The following TSEN15 variants were observed in gnomAD, a reference collection of about 807,000 sequenced individuals.
TSEN15 encodes tRNA splicing endonuclease subunit 15, also known as tRNA-splicing endonuclease subunit Sen15.
Under a neutral mutation model 20.5 loss-of-function variants are expected in TSEN15, and 10 were observed. The ratio of observed to expected loss-of-function variants is 0.49; its 90% CI spans 0.30 to 0.83. The LOEUF (loss-of-function observed/expected upper bound fraction) is 0.83. TSEN15 is among the 40% of genes least tolerant of loss of function. TSEN15 has a pLI of 0.06. For synonymous variants in TSEN15, 72 were observed against 80.1 expected (o/e 0.90, Z 0.54); for missense variants, 180 against 218.6 (o/e 0.82, Z 1.11).
intron 3 of TSEN15, among the ~76,000 whole-genome samples, chr1:184,092,665 G>A (rs1045198481): frequency 2.0e-5 from 3 of 152,204 alleles, no homozygotes; most frequent in Admixed American, 6.5e-5. Flanking sequence ...GGTCTCTGGG[G>A]TAGTAGCTGA....
chr1:184,072,783 T>C lies in TSEN15; in HGVS notation c.496-44T>C, dbSNP rs1422698773. The C allele has an allele frequency of 6.4e-6, 10 of 1,564,506 alleles. No individual in the cohort carries two copies. In the South Asian group the frequency reaches 8.2e-5, roughly 13 times the overall value. ...TTTCTAATTTTGCTTTTGGATTACA[T>C]TGTTTATCGGAGAAAAGTCCATCCT... On this transcript the variant is annotated intron_variant, in intron 4 of 4. Transcript: ENST00000645668.
At chr1:184,063,004 C>A (rs1650521363) in intron 3 of TSEN15, among the ~76,000 whole-genome samples, 1 of 152,028 alleles carries the variant, frequency 6.6e-6, no homozygotes, top group South Asian at 2.1e-4. Flanking sequence ...TAGTTCCTTC[C>A]TTAGTAATAC....
downstream of TSEN15, among the ~76,000 whole-genome samples, chr1:184,075,910 A>ATATATATATATATATATATATTTTTT (rs760409158): frequency 5.7e-5 from 7 of 123,752 alleles, no homozygotes; most frequent in South Asian, 8.3e-4. Context: ...ATATATATAT[A>ATATATATATATATATATATATTTTTT]TTTTTTTTTT....
At chr1:184,058,727 A>G (rs2102881394) in intron 3 of TSEN15, among the ~76,000 whole-genome samples, 1 of 152,250 alleles carries the variant, frequency 6.6e-6, no homozygotes, top group South Asian at 2.1e-4. Flanking sequence ...TCCTAAAAGT[A>G]TTTGGTGGGA....
intron 3 of TSEN15, among the ~76,000 whole-genome samples, chr1:184,068,621 A>AT (rs906159724): frequency 6.6e-6 from 1 of 151,942 alleles, no homozygotes; most frequent in African/African-American, 2.4e-5. Flanking sequence ...AGCTGCCTTG[A>AT]TTTTTTACTA....
intron 3 of TSEN15, among the ~76,000 whole-genome samples, chr1:184,063,384 T>TC (rs1650535557): frequency 1.3e-5 from 2 of 152,186 alleles, no homozygotes; most frequent in Non-Finnish European, 2.9e-5. Flanking sequence ...ATAAAATTAT[T>TC]TTGGCAAGAG....
chr1:184,090,597 C>T (rs536435448), intron 3 of TSEN15, among the ~76,000 whole-genome samples: 1 of 152,318 alleles, frequency 6.6e-6, no homozygotes, highest in African/African-American at 2.4e-5. Context: ...TCCTTTCTTC[C>T]TCCATGTGGC....
chr1:184,055,067 C>A, intron 3 of TSEN15: 1 of 390,758 alleles, frequency 2.6e-6, no homozygotes, highest in Non-Finnish European at 3.9e-6. Flanking sequence ...TGAGTAATTT[C>A]TTAAAAAAAA....
downstream of TSEN15, among the ~76,000 whole-genome samples, chr1:184,078,635 C>T (rs1375502418): frequency 6.6e-6 from 1 of 152,026 alleles, no homozygotes; most frequent in Non-Finnish European, 1.5e-5. Flanking sequence ...ATTTGCTTCT[C>T]CTGGCTGAGA....
intron 3 of TSEN15, among the ~76,000 whole-genome samples, chr1:184,086,619 C>G (rs528059882): frequency 6.6e-6 from 1 of 152,116 alleles, no homozygotes; most frequent in Non-Finnish European, 1.5e-5. Context: ...ACTCACATGG[C>G]TGTTGGCAGG....
At chr1:184,054,704 G>A in intron 2 of TSEN15, 24 bp from the exon 3 acceptor site, 1 of 1,606,896 alleles carries the variant, frequency 6.2e-7, no homozygotes. Context: ...AAACATTATT[G>A]TCCATTCAAT....
At chr1:184,052,968 C>T (rs969207455) in intron 1 of TSEN15, among the ~76,000 whole-genome samples, 5 of 151,968 alleles carry the variant, frequency 3.3e-5, no homozygotes, top group Non-Finnish European at 7.4e-5. Context: ...ATAGTCCATA[C>T]TTACTTATAC....
At chr1:184,094,746 A>G in intron 3 of TSEN15, 1 of 334,072 alleles carries the variant, frequency 3.0e-6, no homozygotes, top group Non-Finnish European at 5.4e-6. Context: ...AATGATTCCC[A>G]CCACACTGCC....
downstream of TSEN15, among the ~76,000 whole-genome samples, chr1:184,074,460 A>G (rs1347748009): frequency 1.3e-5 from 2 of 152,134 alleles, no homozygotes; most frequent in African/African-American, 4.8e-5. Flanking sequence ...CAATTTCTTG[A>G]GAGTGCTCAA....
chr1:184,086,673 C>A (rs1651267371), intron 3 of TSEN15, among the ~76,000 whole-genome samples: 1 of 152,098 alleles, frequency 6.6e-6, no homozygotes, highest in Non-Finnish European at 1.5e-5. Context: ...CTACAGGACA[C>A]CTTGGGTCTC....
chr1:184,064,147 G>A (rs1001571945), intron 3 of TSEN15, among the ~76,000 whole-genome samples: 3 of 152,072 alleles, frequency 2.0e-5, no homozygotes, highest in African/African-American at 7.2e-5. Context: ...TGTGATAAAC[G>A]TAATGACAGA....
At chr1:184,081,516 G>A (rs1307681426) in intron 3 of TSEN15, among the ~76,000 whole-genome samples, 1 of 152,118 alleles carries the variant, frequency 6.6e-6, no homozygotes, top group Non-Finnish European at 1.5e-5. Context: ...CAAGAAAGAG[G>A]GGAAGTGCAA....
At chr1:184,092,160 A>G (rs1450387349) in intron 3 of TSEN15, among the ~76,000 whole-genome samples, 1 of 152,232 alleles carries the variant, frequency 6.6e-6, no homozygotes, top group East Asian at 1.9e-4. Flanking sequence ...ATAACCAGAC[A>G]GATGTGCTCT....
intron 3 of TSEN15, among the ~76,000 whole-genome samples, chr1:184,067,537 C>T (rs1650714354): frequency 6.6e-6 from 1 of 152,044 alleles, no homozygotes; most frequent in Admixed American, 6.6e-5. Flanking sequence ...TACTGTGTTC[C>T]TGCAGCAGAG....
Sources: allele counts gnomAD v4.1 joint callset (sites outside exome capture counted in the v4.1 genomes callset), GRCh38; gene constraint gnomAD v4.1.1; transcripts MANE v1.5; gene names NCBI Gene and HGNC (gene_info 2026-07-23, HGNC 2026-07-21).